NME8: variants seen among roughly 807,000 people sequenced by gnomAD.
The protein encoded by NME8 is NME/NM23 family member 8, also known as protein NME8.
A neutral mutation model predicts 82.3 loss-of-function variants in NME8; 72 were observed. The ratio of observed to expected loss-of-function variants is 0.87; its 90% confidence interval spans 0.72 to 1.06. NME8 has a LOEUF of 1.06. Ranked by LOEUF, NME8 falls within the 50% of genes least tolerant of loss-of-function variation. NME8 has a pLI of 0.00. For missense variants in NME8, 712 were observed against 685.4 expected, an observed-to-expected ratio of 1.04 and a Z score of -0.43; for synonymous variants, 267 against 228.5, an observed-to-expected ratio of 1.17 and a Z score of -1.52.
chr7:37,860,647 C>T (rs1034982139), intron 6 of NME8, among the ~76,000 whole-genome samples: 1 of 152,166 alleles, frequency 6.6e-6, no homozygotes, highest in African/African-American at 2.4e-5. Context: ...CACACAGTTT[C>T]AATCACCACC....
chr7:37,857,722 A>G (rs1478806994), intron 6 of NME8, among the ~76,000 whole-genome samples: 3 of 152,228 alleles, frequency 2.0e-5, no homozygotes, highest in South Asian at 2.1e-4. Context: ...AAGCATCTGT[A>G]TGATCAGTCT....
intron 5 of NME8, among the ~76,000 whole-genome samples, chr7:37,856,323 A>C (rs1784510688): frequency 6.6e-6 from 1 of 152,214 alleles, no homozygotes; most frequent in Non-Finnish European, 1.5e-5. Context: ...CAAAGCTTTT[A>C]TTTAAATAAA....
intron 17 of NME8, among the ~76,000 whole-genome samples, chr7:37,899,448 G>A (rs1416428554): frequency 6.6e-6 from 1 of 152,066 alleles, no homozygotes; most frequent in Non-Finnish European, 1.5e-5. Flanking sequence ...AACACCGCAT[G>A]TTCTCACTTA....
At chr7:37,882,594 AG>A (rs1254522646) in intron 12 of NME8, among the ~76,000 whole-genome samples, 23 of 50,068 alleles carry the variant, frequency 4.6e-4, no homozygotes, top group South Asian at 8.8e-4. Context: ...AAAGAAAGAA[AG>A]AAAGAGAGAG....
At chr7:37,862,973 AGCCGGGCATGGTG>A (rs1361537761) in intron 7 of NME8, among the ~76,000 whole-genome samples, 3 of 152,042 alleles carry the variant, frequency 2.0e-5, no homozygotes, top group Admixed American at 2.0e-4. Flanking sequence ...TACAAAAATT[AGCCGGGCATGGTG>A]GCAGGTGCCT....
Position 37,864,918 on chromosome 7 carries a change from G to A in NME8, c.528+497G>A, listed in dbSNP as rs1583630933. 2.6e-5 allele frequency among the ~76,000 whole-genome samples: 4 copies of A among 152,176 alleles called. No homozygotes were observed. In the East Asian group the frequency reaches 7.7e-4, roughly 29 times the overall value. On this transcript the variant is annotated intron_variant, in intron 9 of 17. Coordinates refer to ENST00000199447, the MANE Select transcript of NME8 (RefSeq NM_016616.5). ...ACTCATTCACTATCATGAGAACAGT[G>A]CAGGAAAGACTAGCCCCCATAATTC... is the stretch of plus-strand genomic sequence containing the variant.
intron 11 of NME8, among the ~76,000 whole-genome samples, chr7:37,872,641 C>T (rs765514460): frequency 7.2e-5 from 11 of 152,128 alleles, no homozygotes; most frequent in Non-Finnish European, 1.2e-4. Context: ...CATGGAAAGT[C>T]AGATGCAAGA....
intron 12 of NME8, among the ~76,000 whole-genome samples, chr7:37,878,542 A>G (rs2131961615): frequency 6.6e-6 from 1 of 152,250 alleles, no homozygotes; most frequent in Middle Eastern, 3.4e-3. Flanking sequence ...TGTTTACTGG[A>G]ATTTGTGAGT....
chr7:37,898,740 G>A lies in NME8; in HGVS notation c.*16-1504G>A, dbSNP rs536042706. On this transcript the variant is annotated intron_variant, in intron 17 of 17. Transcript: ENST00000199447. The stretch of plus-strand genomic sequence containing the variant: ...GAAATTGTAAGTTATTCCTTAATGG[G>A]TGCAGAGTTTTCCTTTAAGTTGACA... Among the ~76,000 whole-genome samples, 11 of 152,256 alleles carry A rather than the reference G, an allele frequency of 7.2e-5. No homozygotes were observed. In the East Asian group the frequency reaches 1.3e-3, roughly 19 times the overall value.
Position 37,895,085 on chromosome 7 carries a change from G to A in NME8, c.1544+475G>A, listed in dbSNP as rs1464107815. On this transcript the variant is annotated intron_variant, in intron 16 of 17. Coordinates refer to ENST00000199447, the MANE Select transcript of NME8 (RefSeq NM_016616.5). ...GGCAGGGCTACATAATTGATGTGTT[G>A]AAAGTACCTAGAACAGTGCATGACA... is the stretch of plus-strand genomic sequence containing the variant. Among the ~76,000 whole-genome samples the A allele has an allele frequency of 3.9e-5, 6 of 152,256 alleles. No individual in the cohort carries two copies. The South Asian group carries it at 1.2e-3, about 32-fold the overall frequency.
At chr7:37,863,057 T>A (rs1015498449) in intron 7 of NME8, among the ~76,000 whole-genome samples, 1 of 151,966 alleles carries the variant, frequency 6.6e-6, no homozygotes, top group Non-Finnish European at 1.5e-5. Context: ...GAGGCAGAGA[T>A]TGCAGTGAGC....
intron 8 of NME8, among the ~76,000 whole-genome samples, chr7:37,864,034 G>T (rs962058657): frequency 2.6e-5 from 4 of 152,204 alleles, no homozygotes; most frequent in South Asian, 2.1e-4. Flanking sequence ...GTAGTACTGT[G>T]CTGGATGGAT....
chr7:37,894,315 T>C, intron 15 of NME8, 151 bp from the exon 16 acceptor site: 2 of 788,310 alleles, frequency 2.5e-6, no homozygotes, highest in Non-Finnish European at 4.2e-6. Flanking sequence ...AATTTGGTGC[T>C]TTGGAATTTT....
At position 37,888,362 on chromosome 7, in the gene NME8, C is replaced by T. The variant is rs768540000; in HGVS notation, c.1333C>T (p.Gln445Ter). 8.1e-6 allele frequency: 13 copies of T among 1,613,252 alleles called. No homozygotes were observed. Among genetic ancestry groups the T allele is most frequent in the African/African-American group, 1.3e-5 (1 of 74,904 alleles). The change falls in exon 15 of 18, where the codon CAG (glutamine) becomes TAG (stop). Residue 445 changes from glutamine (Q) to a stop codon, truncating the protein, a stop_gained. Transcript: ENST00000199447. LOFTEE classifies it high-confidence loss of function. ...ATTAGAAACCGCTGAAAGGGAAATA[C>T]AGCATTTCTTTCCTCTTCAAAGCAC... ...DSLETAEREI[Q>*]HFFPLQSTLG...
intron 7 of NME8, among the ~76,000 whole-genome samples, chr7:37,862,580 T>C (rs1195034640): frequency 6.6e-6 from 1 of 152,112 alleles, no homozygotes; most frequent in East Asian, 1.9e-4. Flanking sequence ...TAAAAGCTAT[T>C]TGGATGAATT....
rs373317654 is a variant in NME8 at position 37,896,945 on chromosome 7, C to T, written c.1620C>T (p.Asp540=). 3 of 1,613,812 alleles carry T rather than the reference C, an allele frequency of 1.9e-6. No homozygotes were observed. Among genetic ancestry groups the T allele is most frequent in the Non-Finnish European group, 2.5e-6 (3 of 1,179,876 alleles). ...AEWRRLMGPT[D]PEEAKLLSPD... The stretch of plus-strand genomic sequence containing the variant: ...GGAGACGATTGATGGGCCCAACAGA[C>T]CCAGAAGAAGCAAAATTACTTTCCC... The change falls in exon 17 of 18, where the codon GAC becomes GAT. Residue 540 remains aspartate (D), a synonymous_variant. Coordinates refer to ENST00000199447, the MANE Select transcript of NME8 (RefSeq NM_016616.5).
intron 17 of NME8, among the ~76,000 whole-genome samples, chr7:37,897,530 AAAAC>A (rs1164016821): frequency 6.6e-6 from 1 of 152,112 alleles, no homozygotes; most frequent in East Asian, 1.9e-4. Flanking sequence ...GTTCTAAACA[AAAAC>A]AAAACAAAAC....
intron 11 of NME8, among the ~76,000 whole-genome samples, chr7:37,875,870 A>G (rs1311747053): frequency 1.3e-5 from 2 of 152,024 alleles, no homozygotes; most frequent in Non-Finnish European, 2.9e-5. Flanking sequence ...AGACAAGAAT[A>G]AGTAAGGATG....
chr7:37,865,614 C>T lies in NME8; in HGVS notation c.618C>T (p.Asp206=), dbSNP rs1784665216. The T allele has an allele frequency of 6.2e-7, 1 of 1,603,912 alleles. No individual in the cohort carries two copies. The highest frequency in any genetic ancestry group is 8.5e-7 in the Non-Finnish European group (1 of 1,170,932). ...QVVNFYSRIA[D]QCDFEEFVSF... is the part of the protein sequence containing the mutation. ...TCAACTTCTATAGTCGAATAGCAGA[C>T]CAGGTATGAAAGTTAAAAAGAAAAA... The change falls in exon 10 of 18, where the codon GAC becomes GAT. Residue 206 remains aspartate (D), a synonymous_variant. Transcript: ENST00000199447.
Sources: gnomAD v4.1 joint callset for allele counts (sites outside exome capture counted in the v4.1 genomes callset) on GRCh38, gnomAD v4.1.1 for gene constraint, MANE v1.5 for transcripts, NCBI Gene and HGNC (gene_info 2026-07-23, HGNC 2026-07-21) for gene names.